The following HPSE2 variants were observed in gnomAD, a reference collection of about 807,000 sequenced individuals.
HPSE2 encodes inactive heparanase-2.
HPSE2 carries 38 observed loss-of-function variants against 60.5 expected under a neutral mutation model. The ratio of observed to expected loss-of-function variants is 0.63; its 90% CI spans 0.48 to 0.82. The LOEUF (loss-of-function observed/expected upper bound fraction) is 0.82, where lower values mean the gene tolerates loss of function less well. Ranked by LOEUF, HPSE2 falls within the 40% of genes least tolerant of loss-of-function variation. The probability of loss-of-function intolerance (pLI) is 0.00; values close to 1 mark genes in which losing one functional copy is unlikely to be tolerated. For missense variants in HPSE2, 713 were observed against 740.4 expected (o/e 0.96, Z 0.43); for synonymous variants, 295 against 293.2 (o/e 1.01, Z -0.06).
intron 3 of HPSE2, among the ~76,000 whole-genome samples, chr10:98,981,987 T>C (rs1956217793): frequency 6.6e-6 from 1 of 152,124 alleles, no homozygotes; most frequent in African/African-American, 2.4e-5. Flanking sequence ...AACCCCATGC[T>C]AATCTTAAAG....
At chr10:98,509,087 G>A (rs1005032722) in intron 9 of HPSE2, among the ~76,000 whole-genome samples, 4 of 152,086 alleles carry the variant, frequency 2.6e-5, no homozygotes, top group Non-Finnish European at 4.4e-5. Flanking sequence ...AGGCCGAGGC[G>A]GGTGCATCAA....
chr10:98,900,939 C>A (rs987330873), intron 3 of HPSE2, among the ~76,000 whole-genome samples: 1 of 152,044 alleles, frequency 6.6e-6, no homozygotes, highest in African/African-American at 2.4e-5. Flanking sequence ...TAGCTAAAAA[C>A]TGGAAACAAC....
chr10:98,952,937 A>G (rs1955406938), intron 3 of HPSE2, among the ~76,000 whole-genome samples: 2 of 152,144 alleles, frequency 1.3e-5, no homozygotes, highest in South Asian at 4.1e-4. Flanking sequence ...TTAGGGCTTC[A>G]ATATACGAAA....
intron 9 of HPSE2, among the ~76,000 whole-genome samples, chr10:98,563,892 A>G (rs1944263534): frequency 6.6e-6 from 1 of 152,190 alleles, no homozygotes; most frequent in Non-Finnish European, 1.5e-5. Flanking sequence ...CCTGGGTAGG[A>G]ACCTTGCTTC....
At chr10:98,736,212 G>GTTT (rs546987845) in intron 4 of HPSE2, among the ~76,000 whole-genome samples, 11 of 47,296 alleles carry the variant, frequency 2.3e-4, no homozygotes, top group South Asian at 9.7e-4. Flanking sequence ...CCTTTTGCTT[G>GTTT]GTTTTTTTTT....
chr10:99,157,008 CAA>C (rs1481247077), intron 2 of HPSE2, among the ~76,000 whole-genome samples: 1 of 129,282 alleles, frequency 7.7e-6, no homozygotes, highest in Non-Finnish European at 1.7e-5. Flanking sequence ...ACAATTGCTT[CAA>C]AGAGAATAAA....
intron 11 of HPSE2, among the ~76,000 whole-genome samples, chr10:98,474,957 C>T (rs1394716132): frequency 3.3e-5 from 5 of 152,098 alleles, no homozygotes; most frequent in Admixed American, 3.3e-4. Context: ...AAACACCCCA[C>T]ATTAAATAGC....
chr10:98,850,166 A>G (rs1484032281), intron 3 of HPSE2, among the ~76,000 whole-genome samples: 1 of 152,218 alleles, frequency 6.6e-6, no homozygotes, highest in African/African-American at 2.4e-5. Flanking sequence ...CGCTAGTCTT[A>G]TACATGCTAA....
the HPSE2 span, among the ~76,000 whole-genome samples, chr10:99,301,622 C>T: frequency 6.6e-6 from 1 of 152,132 alleles, no homozygotes; most frequent in Non-Finnish European, 1.5e-5. Context: ...AACACAGCAT[C>T]CTAACTCAAA....
At chr10:99,173,360 T>C (rs914083651) in intron 2 of HPSE2, among the ~76,000 whole-genome samples, 4 of 152,128 alleles carry the variant, frequency 2.6e-5, no homozygotes, top group Non-Finnish European at 5.9e-5. Context: ...GAAGTAGGAA[T>C]AGCTATACCT....
intron 6 of HPSE2, among the ~76,000 whole-genome samples, chr10:98,678,102 G>A (rs931780790): frequency 2.0e-5 from 3 of 152,172 alleles, no homozygotes; most frequent in African/African-American, 7.2e-5. Context: ...AATGATGAAT[G>A]TAAGTGTGGA....
chr10:98,919,057 G>C (rs1220834092), intron 3 of HPSE2, among the ~76,000 whole-genome samples: 1 of 151,964 alleles, frequency 6.6e-6, no homozygotes, highest in Middle Eastern at 3.2e-3. Flanking sequence ...ATAAAACATA[G>C]AGCCTGCAAT....
chr10:98,488,899 G>A (rs1447475605), intron 10 of HPSE2, among the ~76,000 whole-genome samples: 1 of 152,196 alleles, frequency 6.6e-6, no homozygotes, highest in Non-Finnish European at 1.5e-5. Flanking sequence ...CTACTGACAA[G>A]ACAACTGGCC....
chr10:99,056,181 T>C (rs1958110368), intron 3 of HPSE2, among the ~76,000 whole-genome samples: 1 of 152,008 alleles, frequency 6.6e-6, no homozygotes, highest in Admixed American at 6.6e-5. Flanking sequence ...AACAACTTTA[T>C]GGCAAAACAT....
At chr10:98,900,946 C>T (rs911707942) in intron 3 of HPSE2, among the ~76,000 whole-genome samples, 1 of 152,028 alleles carries the variant, frequency 6.6e-6, no homozygotes, top group African/African-American at 2.4e-5. Flanking sequence ...AAACTGGAAA[C>T]AACCCAAATG....
Position 98,725,662 on chromosome 10 carries a change from T to G in HPSE2, c.785-3834A>C, listed in dbSNP as rs963881436. Among the ~76,000 whole-genome samples the G allele has an allele frequency of 3.5e-4, 54 of 152,120 alleles. 1 individual carries two copies. The highest frequency in any genetic ancestry group is 3.3e-4 in the Admixed American group (5 of 15,272). On this transcript the variant is annotated intron_variant, in intron 4 of 11. Transcript: ENST00000370552. ...ATGGGATCTAATTAAACTAAAGAGC[T>G]TCTGCACAGCAACAGAAACCACCAT...
chr10:99,036,969 C>A (rs1957623593), intron 3 of HPSE2, among the ~76,000 whole-genome samples: 1 of 151,980 alleles, frequency 6.6e-6, no homozygotes, highest in Non-Finnish European at 1.5e-5. Flanking sequence ...ACCGCAGTAA[C>A]TAAAAGAGCA....
intron 7 of HPSE2, among the ~76,000 whole-genome samples, chr10:98,633,377 C>CTT (rs1565034095): frequency 6.6e-6 from 1 of 151,842 alleles, no homozygotes; most frequent in South Asian, 2.1e-4. Context: ...TGTTTGTTTT[C>CTT]TTTTTTTGTG....
At chr10:99,244,382 T>TTCATTA in the HPSE2 span, among the ~76,000 whole-genome samples, 3 of 134,182 alleles carry the variant, frequency 2.2e-5, no homozygotes, top group African/African-American at 8.1e-5. Context: ...TTTTATTTCT[T>TTCATTA]TTATTATTAT....
Sources: gnomAD v4.1 joint callset for allele counts (sites outside exome capture counted in the v4.1 genomes callset) on GRCh38, gnomAD v4.1.1 for gene constraint, MANE v1.5 for transcripts, NCBI Gene and HGNC (gene_info 2026-07-23, HGNC 2026-07-21) for gene names.